DCLK1: variants seen among roughly 807,000 people sequenced by gnomAD.
DCLK1 encodes serine/threonine-protein kinase DCLK1.
Under a neutral mutation model 86.2 loss-of-function variants are expected in DCLK1, and 16 were observed. The observed-to-expected ratio is 0.19, with a 90% CI of 0.13 to 0.28. The LOEUF is 0.28. DCLK1 is among the 10% of genes least tolerant of loss of function. The pLI, the probability that DCLK1 is intolerant of heterozygous loss-of-function variation, is 1.00. For synonymous variants in DCLK1, 369 were observed against 370.5 expected (o/e 1.00, Z 0.05); for missense variants, 590 against 940.2 (o/e 0.63, Z 4.87).
chr13:35,788,386 GTT>G, intron 16 of DCLK1: 5 of 1,052,830 alleles, frequency 4.7e-6, no homozygotes, highest in African/African-American at 1.6e-5. Context: ...TGTATATATA[GTT>G]ACGATGCCTC....
chr13:35,967,238 G>A lies in DCLK1; in HGVS notation c.724-19781C>T, dbSNP rs1352561517. Among the ~76,000 whole-genome samples, 218 of 149,448 alleles carry A rather than the reference G, an allele frequency of 1.5e-3. 3 individuals are homozygous for A. Among genetic ancestry groups the A allele is most frequent in the African/African-American group, 5.0e-3 (201 of 40,534 alleles). On this transcript the variant is annotated intron_variant, in intron 3 of 16. Coordinates refer to ENST00000360631, the MANE Select transcript of DCLK1 (RefSeq NM_001330071.2). ...AGCCCCTCTGCCCGGCCGCCGCCCC[G>A]TCTGGGAGGTTGGGGGCGCCTCTGC...
intron 7 of DCLK1, among the ~76,000 whole-genome samples, chr13:35,838,748 TA>T (rs1424457393): frequency 1.3e-5 from 2 of 152,222 alleles, no homozygotes; most frequent in East Asian, 1.9e-4. Context: ...TTTGTTCACT[TA>T]AAGTAACACT....
At chr13:35,953,855 G>C (rs1048237491) in intron 3 of DCLK1, among the ~76,000 whole-genome samples, 1 of 152,152 alleles carries the variant, frequency 6.6e-6, no homozygotes, top group African/African-American at 2.4e-5. Flanking sequence ...CTCTTCAAAC[G>C]AAACAGGGGA....
intron 6 of DCLK1, chr13:35,847,624 AAAGAAAG>A (rs1250474875): frequency 2.6e-4 from 47 of 182,430 alleles, no homozygotes; most frequent in African/African-American, 1.7e-3. Context: ...TAAGCAAAAA[AAAGAAAG>A]AAAGAAAGAA....
chr13:36,101,958 G>T (rs2138163746), intron 3 of DCLK1, among the ~76,000 whole-genome samples: 1 of 152,176 alleles, frequency 6.6e-6, no homozygotes, highest in East Asian at 1.9e-4. Context: ...GGCCAGGCTG[G>T]TCTCGAACTC....
chr13:36,045,372 A>T (rs12860846), intron 3 of DCLK1, among the ~76,000 whole-genome samples: 10 of 129,748 alleles, frequency 7.7e-5, no homozygotes, highest in Non-Finnish European at 1.3e-4. Flanking sequence ...ATATATATAT[A>T]TATATTTCAA....
intron 3 of DCLK1, among the ~76,000 whole-genome samples, chr13:36,084,010 T>G (rs1884509689): frequency 1.3e-5 from 2 of 152,228 alleles, no homozygotes; most frequent in East Asian, 3.9e-4. Context: ...GATACTTTCC[T>G]TTCTCAAACA....
At chr13:35,950,745 T>C (rs1177607415) in intron 3 of DCLK1, among the ~76,000 whole-genome samples, 4 of 152,148 alleles carry the variant, frequency 2.6e-5, no homozygotes, top group Admixed American at 6.5e-5. Flanking sequence ...ATGTCCAACC[T>C]GTGGAGAAGC....
intron 3 of DCLK1, among the ~76,000 whole-genome samples, chr13:36,032,096 C>A (rs906780245): frequency 2.0e-5 from 3 of 152,124 alleles, no homozygotes; most frequent in African/African-American, 7.2e-5. Flanking sequence ...TATGTTTCTA[C>A]AAATCAGTTT....
intron 16 of DCLK1, among the ~76,000 whole-genome samples, chr13:35,778,521 G>T (rs1217753383): frequency 6.6e-6 from 1 of 152,164 alleles, no homozygotes; most frequent in African/African-American, 2.4e-5. Context: ...GGGTGGGCTT[G>T]TGACTCAGGA....
intron 3 of DCLK1, among the ~76,000 whole-genome samples, chr13:36,092,775 C>T (rs1485089536): frequency 4.6e-5 from 7 of 151,512 alleles, no homozygotes; most frequent in East Asian, 2.0e-4. Context: ...CGTGAGCCAC[C>T]GCGCCCGGCC....
intron 3 of DCLK1, among the ~76,000 whole-genome samples, chr13:36,040,076 A>C (rs1416177420): frequency 2.0e-5 from 3 of 151,892 alleles, no homozygotes; most frequent in African/African-American, 7.2e-5. Flanking sequence ...AAACTGTAAA[A>C]TTATTAGAAG....
chr13:35,987,575 T>C (rs1457600720), intron 3 of DCLK1, among the ~76,000 whole-genome samples: 1 of 152,040 alleles, frequency 6.6e-6, no homozygotes, highest in East Asian at 1.9e-4. Flanking sequence ...TATCAAAATA[T>C]CTCACCTATC....
At chr13:35,994,210 G>A (rs994131048) in intron 3 of DCLK1, among the ~76,000 whole-genome samples, 2 of 152,110 alleles carry the variant, frequency 1.3e-5, no homozygotes, top group African/African-American at 4.8e-5. Context: ...TGACTGAAGT[G>A]TTCCAGGTGG....
intron 4 of DCLK1, among the ~76,000 whole-genome samples, chr13:35,901,053 T>C (rs1874325214): frequency 6.6e-6 from 1 of 152,134 alleles, no homozygotes; most frequent in Non-Finnish European, 1.5e-5. Flanking sequence ...AAATGTTCTC[T>C]CTCACTTATA....
intron 3 of DCLK1, among the ~76,000 whole-genome samples, chr13:36,036,979 C>G (rs1055030094): frequency 6.6e-6 from 1 of 152,056 alleles, no homozygotes; most frequent in African/African-American, 2.4e-5. Context: ...TGGAATCAAT[C>G]TAAGTTTCTA....
At chr13:35,864,654 C>CTTTCT (rs1555345429) in intron 5 of DCLK1, among the ~76,000 whole-genome samples, 7 of 112,598 alleles carry the variant, frequency 6.2e-5, no homozygotes, top group African/African-American at 3.1e-4. Flanking sequence ...TTTCTTCTCT[C>CTTTCT]TTTTTTTTTT....
chr13:35,852,383 G>C (rs1022169064), intron 6 of DCLK1, among the ~76,000 whole-genome samples: 3 of 152,172 alleles, frequency 2.0e-5, no homozygotes, highest in Non-Finnish European at 2.9e-5. Context: ...CACATGGATG[G>C]GGAGGTTCAT....
intron 3 of DCLK1, among the ~76,000 whole-genome samples, chr13:36,067,169 C>A (rs1369041039): frequency 8.3e-6 from 1 of 119,974 alleles, no homozygotes; most frequent in African/African-American, 3.2e-5. Context: ...AAATGTCCAA[C>A]AATGATAGAC....
Sources: gnomAD v4.1 joint callset for allele counts (sites outside exome capture counted in the v4.1 genomes callset) on GRCh38, gnomAD v4.1.1 for gene constraint, MANE v1.5 for transcripts, NCBI Gene and HGNC (gene_info 2026-07-23, HGNC 2026-07-21) for gene names.